The following BCAS3 variants were observed in gnomAD, a reference collection of about 807,000 sequenced individuals.
BCAS3 encodes the protein BCAS4/BCAS3 fusion.
Under a neutral mutation model 116.1 loss-of-function variants are expected in BCAS3, and 53 were observed. That is an observed-to-expected ratio of 0.46 (90% CI 0.37 to 0.57). BCAS3 has a LOEUF of 0.57. Ranked by LOEUF, BCAS3 falls within the 20% of genes least tolerant of loss-of-function variation. The pLI is 0.00. For missense variants in BCAS3, 917 were observed against 1,165.4 expected, an observed-to-expected ratio of 0.79 and a Z score of 3.10; for synonymous variants, 391 against 408.2, an observed-to-expected ratio of 0.96 and a Z score of 0.51.
At chr17:60,881,047 T>C (rs1172507149) in intron 9 of BCAS3, among the ~76,000 whole-genome samples, 1 of 152,208 alleles carries the variant, frequency 6.6e-6, no homozygotes, top group African/African-American at 2.4e-5. Context: ...CGATCTCAGC[T>C]CACTGCAAGC....
chr17:61,035,474 T>C (rs2066945144), intron 17 of BCAS3, among the ~76,000 whole-genome samples: 1 of 150,692 alleles, frequency 6.6e-6, no homozygotes, highest in Admixed American at 6.6e-5. Flanking sequence ...TCCCAGCTAC[T>C]TGGGAGGCTG....
intron 22 of BCAS3, among the ~76,000 whole-genome samples, chr17:61,172,700 G>C (rs1441062273): frequency 6.9e-6 from 1 of 145,362 alleles, no homozygotes; most frequent in Admixed American, 7.1e-5. Context: ...AAATCTAAAG[G>C]ATTGGCTGGG....
chr17:61,116,264 A>AT (rs2075441930), intron 22 of BCAS3, among the ~76,000 whole-genome samples: 1 of 94,510 alleles, frequency 1.1e-5, no homozygotes, highest in African/African-American at 3.4e-5. Flanking sequence ...AAATAAATAA[A>AT]TAAATAAATA....
intron 22 of BCAS3, among the ~76,000 whole-genome samples, chr17:61,268,111 G>A (rs1427397929): frequency 6.6e-6 from 1 of 152,134 alleles, no homozygotes; most frequent in African/African-American, 2.4e-5. Context: ...TGATCTTGGG[G>A]ACTCTGCATC....
intron 7 of BCAS3, among the ~76,000 whole-genome samples, chr17:60,840,601 C>T (rs1434126954): frequency 3.3e-5 from 5 of 152,112 alleles, no homozygotes; most frequent in Non-Finnish European, 5.9e-5. Flanking sequence ...TTTAGTGGTT[C>T]ATTTGACTAG....
chr17:60,681,165 A>G (rs1387429727), intron 2 of BCAS3, among the ~76,000 whole-genome samples: 2 of 152,148 alleles, frequency 1.3e-5, no homozygotes, highest in Admixed American at 1.3e-4. Flanking sequence ...TGATTGTGCC[A>G]TTACACTCCA....
In BCAS3 at chr17:61,380,563, A is replaced by G. The variant is rs546181404; in HGVS notation, c.2594-11414A>G. The G allele has an allele frequency of 8.1e-6, 13 of 1,597,946 alleles. No individual in the cohort carries two copies. The South Asian group carries it at 1.1e-4, about 13-fold the overall frequency. On this transcript the variant is annotated intron_variant, in intron 23 of 23. Transcript: ENST00000407086. This position sits in a 1 kb window ranked among gnomAD's most constrained non-coding sequence, Gnocchi z 4.2. Reference sequence around the variant, plus strand: ...CCCCCTGAGAGACACGTGGCAGTGAAGTGTTTTGGTATGTAACGTCCTATC... The same window carrying G: ...CCCCCTGAGAGACACGTGGCAGTGAGGTGTTTTGGTATGTAACGTCCTATC...
At chr17:61,263,837 T>C (rs1293490608) in intron 22 of BCAS3, among the ~76,000 whole-genome samples, 2 of 152,176 alleles carry the variant, frequency 1.3e-5, no homozygotes, top group African/African-American at 4.8e-5. Context: ...TACAAACCAG[T>C]GCTGAAAGAT....
chr17:60,902,769 A>T, intron 11 of BCAS3, 66 bp downstream of exon 11: 1 of 1,264,264 alleles, frequency 7.9e-7, no homozygotes, highest in Non-Finnish European at 1.2e-6. Flanking sequence ...TTCTCTCCTG[A>T]ATTATATTTT....
rs553225777 is a variant in BCAS3 at position 61,210,441 on chromosome 17, C to T, written c.2425+125877C>T. Among the ~76,000 whole-genome samples, 6 of 152,294 alleles carry T rather than the reference C, an allele frequency of 3.9e-5. 1 individual carries two copies. The South Asian group carries it at 1.2e-3, about 32-fold the overall frequency. ...ATAGTTTATGAGATGATATCCAGAACTCCTAAAGGAGTAAATATTGGAGAC... is the reference window on the plus strand; with the variant it reads ...ATAGTTTATGAGATGATATCCAGAATTCCTAAAGGAGTAAATATTGGAGAC... On this transcript the variant is annotated intron_variant, in intron 22 of 23. Transcript: ENST00000407086.
chr17:61,117,986 T>G (rs1381834209), intron 22 of BCAS3, among the ~76,000 whole-genome samples: 1 of 152,226 alleles, frequency 6.6e-6, no homozygotes, highest in Non-Finnish European at 1.5e-5. Flanking sequence ...TGTCAGATAA[T>G]TTTAGGATCT....
chr17:61,173,069 C>G (rs2078947471), intron 22 of BCAS3, among the ~76,000 whole-genome samples: 1 of 152,060 alleles, frequency 6.6e-6, no homozygotes, highest in African/African-American at 2.4e-5. Flanking sequence ...AATCAGTAGC[C>G]TTAAGGGATT....
chr17:60,682,791 G>A (rs1255816539), intron 2 of BCAS3, among the ~76,000 whole-genome samples: 1 of 152,078 alleles, frequency 6.6e-6, no homozygotes, highest in Non-Finnish European at 1.5e-5. Flanking sequence ...CAAAGTGCTG[G>A]GATTACAGGT....
At position 61,060,293 on chromosome 17, in the gene BCAS3, A is replaced by AT. The variant is rs373600893; in HGVS notation, c.2030-14614dup. Among the ~76,000 whole-genome samples, 832 of 143,194 alleles carry AT rather than the reference A, an allele frequency of 5.8e-3. 4 individuals carry two copies. Among genetic ancestry groups the AT allele is most frequent in the East Asian group, 0.015 (73 of 4,878 alleles). 93.9% of individuals were successfully genotyped at this position (143,194 alleles called of 152,430 possible). On this transcript the variant is annotated intron_variant, in intron 19 of 23. Coordinates refer to ENST00000407086, the MANE Select transcript of BCAS3 (RefSeq NM_017679.5). ...AGGCGCCCACCACCACACCCGGCTA[A>AT]TTTTTTTTTTTTTGTGTATTTTTAG...
chr17:60,769,162 G>A (rs1010837855), intron 6 of BCAS3, among the ~76,000 whole-genome samples: 14 of 152,180 alleles, frequency 9.2e-5, no homozygotes, highest in African/African-American at 2.9e-4. Context: ...TTACTGTGGG[G>A]ACTAGACTGG....
rs2144533966 is a variant in BCAS3 at position 61,248,179 on chromosome 17, C to T, written c.2426-120148C>T. On this transcript the variant is annotated intron_variant, in intron 22 of 23. Transcript: ENST00000407086. The surrounding 1 kb of genome is among the most constrained non-coding windows in gnomAD (Gnocchi z 4.3). ...TGGATCCTTTCCCCAACAAAGCCACCAAGGGAACTTCTTCTGATCCTATCT... is the reference window on the plus strand; with the variant it reads ...TGGATCCTTTCCCCAACAAAGCCACTAAGGGAACTTCTTCTGATCCTATCT... 2.6e-5 allele frequency among the ~76,000 whole-genome samples: 4 copies of T among 152,252 alleles called. No homozygotes were observed. The South Asian group carries it at 8.3e-4, about 32-fold the overall frequency.
At chr17:61,154,933 G>A (rs959918876) in intron 22 of BCAS3, among the ~76,000 whole-genome samples, 21 of 151,232 alleles carry the variant, frequency 1.4e-4, no homozygotes, top group African/African-American at 4.6e-4. Context: ...TTTTTTGGTG[G>A]GGGGTGTTTG....
At chr17:61,107,722 G>T (rs996826805) in intron 22 of BCAS3, among the ~76,000 whole-genome samples, 1 of 152,150 alleles carries the variant, frequency 6.6e-6, no homozygotes, top group African/African-American at 2.4e-5. Context: ...AGTATTGCAT[G>T]GTATGGATGT....
chr17:61,054,683 T>A (rs2069198340), intron 19 of BCAS3, among the ~76,000 whole-genome samples: 1 of 152,190 alleles, frequency 6.6e-6, no homozygotes, highest in South Asian at 2.1e-4. Context: ...CCTGTCATAA[T>A]TGTTCTTAAT....
Sources: allele counts gnomAD v4.1 joint callset (sites outside exome capture counted in the v4.1 genomes callset), GRCh38; gene constraint gnomAD v4.1.1; non-coding constraint Gnocchi (gnomAD v3.1); transcripts MANE v1.5; gene names NCBI Gene and HGNC (gene_info 2026-07-23, HGNC 2026-07-21).